Variants in CHST11 observed in about 807,000 individuals in gnomAD.
CHST11 encodes carbohydrate sulfotransferase 11.
Under a neutral mutation model 30.4 loss-of-function variants are expected in CHST11, and 9 were observed. The observed-to-expected ratio is 0.30, with a 90% confidence interval of 0.18 to 0.52. The LOEUF is 0.52. Among genes scored for constraint, CHST11 ranks in the 20% least tolerant of loss-of-function variants. The pLI is 0.97. For synonymous variants in CHST11, 152 were observed against 187.8 expected (o/e 0.81, Z 1.56); for missense variants, 348 against 460.6 (o/e 0.76, Z 2.24).
At chr12:104,636,687 G>A (rs1409993341) in intron 2 of CHST11, among the ~76,000 whole-genome samples, 4 of 152,072 alleles carry the variant, frequency 2.6e-5, no homozygotes, top group Admixed American at 6.5e-5. Flanking sequence ...ACCTCTCTGT[G>A]CCTTGGTTTC....
chr12:104,706,099 T>C (rs1385589457), intron 2 of CHST11, among the ~76,000 whole-genome samples: 1 of 149,268 alleles, frequency 6.7e-6, no homozygotes, highest in Non-Finnish European at 1.5e-5. Flanking sequence ...AACAGATAGA[T>C]ATTGGTGGGT....
chr12:104,741,851 G>C (rs1459366261), intron 2 of CHST11, among the ~76,000 whole-genome samples: 1 of 152,194 alleles, frequency 6.6e-6, no homozygotes, highest in Non-Finnish European at 1.5e-5. Flanking sequence ...TCAAGAGCAG[G>C]TTCCCAGGAC....
chr12:104,712,861 C>T (rs1446514076), intron 2 of CHST11, among the ~76,000 whole-genome samples: 1 of 152,068 alleles, frequency 6.6e-6, no homozygotes, highest in Middle Eastern at 3.2e-3. Flanking sequence ...TTCTCATAGG[C>T]CCTGACCCTG....
chr12:104,756,538 T>G (rs975467652), intron 2 of CHST11, among the ~76,000 whole-genome samples: 1 of 150,674 alleles, frequency 6.6e-6, no homozygotes, highest in Non-Finnish European at 1.5e-5. Flanking sequence ...GTGGGGTGTG[T>G]GTGTGTGTGT....
intron 1 of CHST11, among the ~76,000 whole-genome samples, chr12:104,484,979 A>G (rs2037662611): frequency 6.6e-6 from 1 of 152,162 alleles, no homozygotes; most frequent in Admixed American, 6.5e-5. Flanking sequence ...CTGGGGAGTT[A>G]AATTCTCTGG....
intron 1 of CHST11, among the ~76,000 whole-genome samples, chr12:104,582,440 T>C (rs1043614976): frequency 1.3e-5 from 2 of 152,166 alleles, no homozygotes; most frequent in African/African-American, 4.8e-5. Flanking sequence ...TGACCAGATG[T>C]GTCAGACAGA....
rs552304483 is a variant in CHST11 at position 104,558,553 on chromosome 12, C to G, written c.119-43353C>G. 4.9e-3 allele frequency among the ~76,000 whole-genome samples: 683 copies of G among 138,098 alleles called. 4 individuals are homozygous for G. The highest frequency in any genetic ancestry group is 9.7e-3 in the African/African-American group (361 of 37,308). The allele number at this position is 138,098 out of a possible 152,430, so 90.6% of individuals were successfully genotyped here. A position where few individuals can be genotyped will look rare whatever the true frequency, so the allele number is the denominator to read the frequency against. On this transcript the variant is annotated intron_variant, in intron 1 of 2. Transcript: ENST00000303694. ...CAGCAGAAATTCCCCCCCCCGCCCC[C>G]CCGAGACAGGTTCTCACTCTTGTCC...
chr12:104,607,857 G>A (rs1052487099), intron 2 of CHST11, among the ~76,000 whole-genome samples: 17 of 152,118 alleles, frequency 1.1e-4, no homozygotes, highest in African/African-American at 3.4e-4. Flanking sequence ...AAAAACTGGC[G>A]TGCATCTTAT....
chr12:104,606,786 A>G (rs1592790481), intron 2 of CHST11, among the ~76,000 whole-genome samples: 3 of 152,334 alleles, frequency 2.0e-5, no homozygotes, highest in African/African-American at 7.2e-5. Flanking sequence ...AAACAATTAC[A>G]GGCTGGGCAC....
intron 2 of CHST11, among the ~76,000 whole-genome samples, chr12:104,732,186 C>T (rs183778792): frequency 5.1e-4 from 77 of 152,332 alleles, no homozygotes; most frequent in Admixed American, 4.0e-3. Context: ...GGTGGCTGGG[C>T]CCCCTGGGGT....
At chr12:104,733,042 T>C (rs923834101) in intron 2 of CHST11, among the ~76,000 whole-genome samples, 5 of 152,356 alleles carry the variant, frequency 3.3e-5, no homozygotes, top group African/African-American at 1.2e-4. Flanking sequence ...CTATGAGAGA[T>C]GGGGAAACTG....
At chr12:104,488,435 G>A (rs955028657) in intron 1 of CHST11, among the ~76,000 whole-genome samples, 13 of 149,362 alleles carry the variant, frequency 8.7e-5, no homozygotes, top group Admixed American at 6.7e-5. Flanking sequence ...GTATGTGTAT[G>A]CATGTATGTA....
intron 2 of CHST11, among the ~76,000 whole-genome samples, chr12:104,670,987 AT>A (rs1193355050): frequency 3.3e-5 from 5 of 152,202 alleles, no homozygotes; most frequent in African/African-American, 9.6e-5. Context: ...TTTCCCACAT[AT>A]GGATTTCCTG....
intron 2 of CHST11, among the ~76,000 whole-genome samples, chr12:104,700,378 A>G (rs532904107): frequency 7.9e-4 from 120 of 152,362 alleles, no homozygotes; most frequent in African/African-American, 2.7e-3. Flanking sequence ...TGCCTCCTTC[A>G]TTATTCCACA....
intron 2 of CHST11, among the ~76,000 whole-genome samples, chr12:104,667,971 A>C (rs2039657293): frequency 6.6e-6 from 1 of 152,198 alleles, no homozygotes; most frequent in Non-Finnish European, 1.5e-5. Context: ...CTAATTCTAA[A>C]GGAACTGGAT....
At chr12:104,509,678 G>A (rs7978035) in intron 1 of CHST11, among the ~76,000 whole-genome samples, 49,714 of 152,034 alleles carry the variant, frequency 0.33, 8,928 homozygotes, top group East Asian at 0.51. Context: ...GCAGAGGTGT[G>A]GAATAGAGTA....
At chr12:104,589,098 T>C (rs2038833129) in intron 1 of CHST11, among the ~76,000 whole-genome samples, 1 of 152,096 alleles carries the variant, frequency 6.6e-6, no homozygotes, top group Non-Finnish European at 1.5e-5. Context: ...TTGTATGAAG[T>C]ACTTAGAATA....
Position 104,729,474 on chromosome 12 carries a change from C to A in CHST11, c.205-27475C>A, listed in dbSNP as rs1295603230. ...TTTGTGAAGAATGCAGATTCCTGTG[C>A]CCAGATTGGGTTTCTGGGAGCAGGG... is the stretch of plus-strand genomic sequence containing the variant. On this transcript the variant is annotated intron_variant, in intron 2 of 2. Coordinates refer to ENST00000303694, the MANE Select transcript of CHST11 (RefSeq NM_018413.6). This position sits in a 1 kb window ranked among gnomAD's most constrained non-coding sequence, Gnocchi z 4.0. Among the ~76,000 whole-genome samples, 2 of 152,094 alleles carry A rather than the reference C, an allele frequency of 1.3e-5. No individual in the cohort carries two copies. The highest frequency in any genetic ancestry group is 4.8e-5 in the African/African-American group (2 of 41,424).
intron 2 of CHST11, among the ~76,000 whole-genome samples, chr12:104,649,678 C>A (rs1277270661): frequency 6.6e-6 from 1 of 152,190 alleles, no homozygotes; most frequent in East Asian, 1.9e-4. Flanking sequence ...AGAAGAAAAT[C>A]TTTAGCATGC....
Sources: allele counts gnomAD v4.1 joint callset (sites outside exome capture counted in the v4.1 genomes callset), GRCh38; gene constraint gnomAD v4.1.1; non-coding constraint Gnocchi (gnomAD v3.1); transcripts MANE v1.5; gene names NCBI Gene and HGNC (gene_info 2026-07-23, HGNC 2026-07-21).